GAPVD1: variants seen among roughly 807,000 people sequenced by gnomAD.
The protein encoded by GAPVD1 is GTPase-activating protein and VPS9 domain-containing protein 1.
A neutral mutation model predicts 155.5 loss-of-function variants in GAPVD1; 35 were observed. That is an observed-to-expected ratio of 0.23 (90% confidence interval 0.17 to 0.30). GAPVD1 has a LOEUF of 0.30. Among genes scored for constraint, GAPVD1 ranks in the 10% least tolerant of loss-of-function variants. The pLI, the probability that GAPVD1 is intolerant of heterozygous loss-of-function variation, is 1.00. For missense variants in GAPVD1, 1,429 were observed against 1,775.7 expected, an observed-to-expected ratio of 0.80 and a Z score of 3.51; for synonymous variants, 636 against 619.7, an observed-to-expected ratio of 1.03 and a Z score of -0.39.
At position 125,363,767 on chromosome 9, in the gene GAPVD1, C is replaced by G. The variant is rs146955217; in HGVS notation, c.*1021C>G. The G allele has an allele frequency of 6.5e-6, 1 of 152,716 alleles. No individual in the cohort carries two copies. The highest frequency in any genetic ancestry group is 1.9e-4 in the East Asian group (1 of 5,196). The allele number at this position is 152,716 out of a possible 1,614,324, so 9.5% of individuals were successfully genotyped here. On this transcript the variant is annotated 3_prime_UTR_variant, in exon 28 of 28. Coordinates refer to ENST00000297933, the MANE Select transcript of GAPVD1 (RefSeq NM_001282680.3). ...TTTTTAAAAAACTAATTTGTATTGT[C>G]TGCTCTAGTGATACAAGTTTTACTA...
intron 6 of GAPVD1, 46 bp downstream of exon 6, chr9:125,305,195 C>G: frequency 8.3e-7 from 1 of 1,203,272 alleles, no homozygotes; most frequent in South Asian, 1.2e-5. Flanking sequence ...TATTAGTGAG[C>G]CTAACTGTTC....
At chr9:125,285,355 T>C (rs1237000631) in intron 2 of GAPVD1, among the ~76,000 whole-genome samples, 3 of 152,136 alleles carry the variant, frequency 2.0e-5, no homozygotes. Flanking sequence ...ATCTCCTTAC[T>C]GTGCTCTCAG....
At chr9:125,263,523 C>G in intron 1 of GAPVD1, 1 of 816,160 alleles carries the variant, frequency 1.2e-6, no homozygotes, top group South Asian at 1.4e-5. Context: ...CTTAGAAGAA[C>G]TGTTGTTTTT....
At chr9:125,309,464 A>C (rs2131143133) in intron 8 of GAPVD1, among the ~76,000 whole-genome samples, 1 of 152,138 alleles carries the variant, frequency 6.6e-6, no homozygotes, top group South Asian at 2.1e-4. Context: ...CCTCCCCAGT[A>C]GCTGGGATTA....
intron 13 of GAPVD1, among the ~76,000 whole-genome samples, chr9:125,331,447 G>A (rs113596340): frequency 0.011 from 1,606 of 152,070 alleles, 21 homozygotes; most frequent in African/African-American, 0.035. Context: ...GTGATCTGCC[G>A]GCCTCGACCT....
intron 18 of GAPVD1, chr9:125,341,737 T>C (rs1369853706): frequency 1.3e-5 from 2 of 156,544 alleles, no homozygotes; most frequent in African/African-American, 4.8e-5. Flanking sequence ...AATTGTTTAC[T>C]TTTTTGGTGA....
At chr9:125,349,289 G>A in intron 20 of GAPVD1, 101 bp from the exon 21 acceptor site, 1 of 935,926 alleles carries the variant, frequency 1.1e-6, no homozygotes, top group Non-Finnish European at 1.6e-6. Flanking sequence ...CTTATTATTA[G>A]TCAATGGTAA....
At chr9:125,323,728 G>T in intron 10 of GAPVD1, 70 bp from the exon 11 acceptor site, 1 of 1,452,936 alleles carries the variant, frequency 6.9e-7, no homozygotes, top group Non-Finnish European at 9.7e-7. Context: ...CTTTTATCAA[G>T]GCATGAAAAA....
In GAPVD1 at chr9:125,309,499, T is replaced by C. The variant is rs148551013; in HGVS notation, c.1441+1619T>C. Reference sequence around the variant, plus strand: ...ATAGATGCCCACCACCACGCCCGGCTAATTTTTATATTTTTGGTAGAGACA... The same window carrying C: ...ATAGATGCCCACCACCACGCCCGGCCAATTTTTATATTTTTGGTAGAGACA... On this transcript the variant is annotated intron_variant, in intron 8 of 27. Transcript: ENST00000297933. Among the ~76,000 whole-genome samples the C allele has an allele frequency of 8.7e-3, 1,328 of 152,236 alleles. 11 individuals are homozygous for C. Among genetic ancestry groups the C allele is most frequent in the South Asian group, 0.029 (138 of 4,818 alleles).
intron 12 of GAPVD1, among the ~76,000 whole-genome samples, chr9:125,326,861 T>C (rs1325430583): frequency 2.0e-5 from 3 of 152,138 alleles, no homozygotes; most frequent in African/African-American, 7.2e-5. Context: ...AACCAGTGTT[T>C]TGAATTAGCT....
At chr9:125,343,173 T>C (rs1432523369) in intron 19 of GAPVD1, among the ~76,000 whole-genome samples, 1 of 151,544 alleles carries the variant, frequency 6.6e-6, no homozygotes, top group Admixed American at 6.6e-5. Flanking sequence ...CTTAAAACAG[T>C]ATGAGATTTA....
rs1396438602 is a variant in GAPVD1 at position 125,299,068 on chromosome 9, G to T, written c.147G>T (p.Lys49Asn). The T allele has an allele frequency of 1.2e-6, 2 of 1,602,994 alleles. No homozygotes were observed. Among genetic ancestry groups the T allele is most frequent in the Non-Finnish European group, 1.7e-6 (2 of 1,175,980 alleles). ...TGTATCGTACAGCATGGATTGCGAA[G>T]CAACAGAGAATCAATTTGGATCGGC... ...EKLYRTAWIA[K>N]QQRINLDRLI... The change falls in exon 4 of 28, where the codon AAG becomes AAT. Residue 49 changes from lysine to asparagine, a missense_variant. Transcript: ENST00000297933.
chr9:125,347,077 A>G (rs1286370461), intron 20 of GAPVD1, 136 bp downstream of exon 20: 10 of 798,358 alleles, frequency 1.3e-5, no homozygotes, highest in Non-Finnish European at 2.0e-5. Flanking sequence ...GACTGCCTAA[A>G]CAAATGTTTA....
chr9:125,357,997 A>G (rs1850356671), intron 25 of GAPVD1, among the ~76,000 whole-genome samples: 1 of 151,860 alleles, frequency 6.6e-6, no homozygotes, highest in Admixed American at 6.6e-5. Flanking sequence ...ACACACACAC[A>G]CACACACACA....
chr9:125,297,457 A>G (rs890196430), intron 3 of GAPVD1, among the ~76,000 whole-genome samples: 1 of 152,346 alleles, frequency 6.6e-6, no homozygotes, highest in Non-Finnish European at 1.5e-5. Context: ...GCCTTTCTAA[A>G]TACACGTTTG....
At chr9:125,263,001 T>C (rs549631093) in intron 1 of GAPVD1, among the ~76,000 whole-genome samples, 1 of 152,308 alleles carries the variant, frequency 6.6e-6, no homozygotes, top group Admixed American at 6.5e-5. Flanking sequence ...CCGTTAGACA[T>C]TGTTATTTAA....
intron 20 of GAPVD1, among the ~76,000 whole-genome samples, chr9:125,348,130 C>T (rs1848767763): frequency 6.6e-6 from 1 of 152,060 alleles, no homozygotes; most frequent in South Asian, 2.1e-4. Flanking sequence ...TGGTTTACTG[C>T]TGCAGCCTCA....
At chr9:125,285,675 G>C (rs1035735920) in intron 2 of GAPVD1, among the ~76,000 whole-genome samples, 1 of 151,736 alleles carries the variant, frequency 6.6e-6, no homozygotes, top group African/African-American at 2.4e-5. Flanking sequence ...TGGCCAGGCT[G>C]GTCTCAAACT....
chr9:125,285,749 C>G lies in GAPVD1; in HGVS notation c.-149-9709C>G, dbSNP rs540243697. On this transcript the variant is annotated intron_variant, in intron 2 of 27. Coordinates refer to ENST00000297933, the MANE Select transcript of GAPVD1 (RefSeq NM_001282680.3). ...GTGCTGGGATTACAGGTGTGAGCCACTGCACCTGGCCCATCTGTTTCGTTT... is the reference window on the plus strand; with the variant it reads ...GTGCTGGGATTACAGGTGTGAGCCAGTGCACCTGGCCCATCTGTTTCGTTT... Among the ~76,000 whole-genome samples, 5 of 152,188 alleles carry G rather than the reference C, an allele frequency of 3.3e-5. No homozygotes were observed. In the South Asian group the frequency reaches 8.3e-4, roughly 25 times the overall value.
Sources: allele counts gnomAD v4.1 joint callset (sites outside exome capture counted in the v4.1 genomes callset), GRCh38; gene constraint gnomAD v4.1.1; transcripts MANE v1.5; gene names NCBI Gene and HGNC (gene_info 2026-07-23, HGNC 2026-07-21).